PTPRT: variants seen among roughly 807,000 people sequenced by gnomAD.
The protein encoded by PTPRT is protein tyrosine phosphatase receptor type T.
Under a neutral mutation model 176.8 loss-of-function variants are expected in PTPRT, and 56 were observed. The ratio of observed to expected loss-of-function variants is 0.32; its 90% CI spans 0.26 to 0.40. The LOEUF is 0.40. Ranked by LOEUF, PTPRT falls within the 10% of genes least tolerant of loss-of-function variation. The probability of loss-of-function intolerance (pLI) is 1.00; values close to 1 mark genes in which losing one functional copy is unlikely to be tolerated. For missense variants in PTPRT, 1,540 were observed against 1,908.2 expected (o/e 0.81, Z 3.60); for synonymous variants, 783 against 739.0 (o/e 1.06, Z -0.96).
intron 7 of PTPRT, among the ~76,000 whole-genome samples, chr20:42,581,241 C>G (rs1438976561): frequency 6.6e-6 from 1 of 152,192 alleles, no homozygotes; most frequent in African/African-American, 2.4e-5. Context: ...ATCACTTCCT[C>G]AATGAGGCCT....
chr20:42,472,660 A>AT lies in PTPRT; in HGVS notation c.1154-99dup, dbSNP rs2071219904. ...AACAGGGAACACAGCTTTTCCAAACATATCTCCACCATTCAATCACTGCCA... is the reference window on the plus strand; with the variant it reads ...AACAGGGAACACAGCTTTTCCAAACATTATCTCCACCATTCAATCACTGCCA... On this transcript the variant is annotated intron_variant, in intron 7 of 30. Coordinates refer to ENST00000373187, the MANE Select transcript of PTPRT (RefSeq NM_007050.6). 4.1e-6 allele frequency: 5 copies of AT among 1,229,988 alleles called. No individual in the cohort carries two copies. In the South Asian group the frequency reaches 7.4e-5, roughly 18 times the overall value. The allele number at this position is 1,229,988 out of a possible 1,614,324, so 76.2% of individuals were successfully genotyped here.
chr20:42,410,292 A>G (rs528945643), intron 9 of PTPRT, among the ~76,000 whole-genome samples: 11 of 152,288 alleles, frequency 7.2e-5, no homozygotes, highest in African/African-American at 2.6e-4. Flanking sequence ...TGGAAATCAA[A>G]CATATTTCCA....
At chr20:42,857,370 G>C (rs1304075734) in intron 2 of PTPRT, among the ~76,000 whole-genome samples, 2 of 152,160 alleles carry the variant, frequency 1.3e-5, no homozygotes, top group Non-Finnish European at 2.9e-5. Context: ...GCTCCTTAGA[G>C]CTAGAATTAT....
At chr20:43,107,280 G>A (rs575698932) in intron 1 of PTPRT, among the ~76,000 whole-genome samples, 44 of 152,236 alleles carry the variant, frequency 2.9e-4, no homozygotes, top group East Asian at 1.2e-3. Context: ...ACAGCTAGTC[G>A]GCTGAGGATG....
intron 9 of PTPRT, among the ~76,000 whole-genome samples, chr20:42,444,837 C>T (rs1214641191): frequency 2.0e-5 from 3 of 152,066 alleles, no homozygotes; most frequent in Admixed American, 2.0e-4. Flanking sequence ...TTGTAAATTG[C>T]CTCATAAACA....
chr20:42,907,065 T>C (rs866765061), intron 1 of PTPRT, among the ~76,000 whole-genome samples: 1 of 150,970 alleles, frequency 6.6e-6, no homozygotes, highest in Non-Finnish European at 1.5e-5. Flanking sequence ...AGTCAGAAAA[T>C]GTAACAGTGA....
chr20:42,863,156 C>T (rs1034414987), intron 2 of PTPRT, among the ~76,000 whole-genome samples: 3 of 152,204 alleles, frequency 2.0e-5, no homozygotes, highest in Non-Finnish European at 2.9e-5. Context: ...AAATCCCGTG[C>T]TCTCCTCATG....
rs555953157 is a variant in PTPRT at position 42,281,840 on chromosome 20, G to A, written c.2176+649C>T. On this transcript the variant is annotated intron_variant, in intron 13 of 30. Coordinates refer to ENST00000373187, the MANE Select transcript of PTPRT (RefSeq NM_007050.6). ...TTTCTAACTATTCAACCCTGTAATA[G>A]GTTAAACGATAGCAAACCATTCATT... 3.3e-5 allele frequency among the ~76,000 whole-genome samples: 5 copies of A among 152,158 alleles called. No individual in the cohort carries two copies. In the East Asian group the frequency reaches 5.8e-4, roughly 18 times the overall value.
chr20:42,492,311 G>A (rs909921287), intron 7 of PTPRT, among the ~76,000 whole-genome samples: 11 of 152,182 alleles, frequency 7.2e-5, no homozygotes, highest in Admixed American at 5.2e-4. Flanking sequence ...CACCAGCAAC[G>A]TAGGAGAGAT....
At chr20:42,208,458 C>A (rs1439016559) in intron 15 of PTPRT, among the ~76,000 whole-genome samples, 2 of 151,566 alleles carry the variant, frequency 1.3e-5, no homozygotes, top group Non-Finnish European at 2.9e-5. Context: ...ATCTACCAAG[C>A]AAATGGAAAA....
At chr20:42,600,166 G>A (rs996169535) in intron 7 of PTPRT, among the ~76,000 whole-genome samples, 1 of 152,024 alleles carries the variant, frequency 6.6e-6, no homozygotes, top group Non-Finnish European at 1.5e-5. Context: ...TTGAGATGGA[G>A]TCTCACTCTG....
At position 43,093,767 on chromosome 20, in the gene PTPRT, C is replaced by T. The variant is rs373875865; in HGVS notation, c.88+95879G>A. Among the ~76,000 whole-genome samples the T allele has an allele frequency of 2.1e-4, 32 of 152,316 alleles. 1 individual carries two copies. Among genetic ancestry groups the T allele is most frequent in the African/African-American group, 7.7e-4 (32 of 41,568 alleles). On this transcript the variant is annotated intron_variant, in intron 1 of 30. Coordinates refer to ENST00000373187, the MANE Select transcript of PTPRT (RefSeq NM_007050.6). ...GATGCAGGTGATCTGGCCCCTGTCCCACTCTTCCCTTGACCCAGTATGTAC... is the reference window on the plus strand; with the variant it reads ...GATGCAGGTGATCTGGCCCCTGTCCTACTCTTCCCTTGACCCAGTATGTAC...
intron 8 of PTPRT, among the ~76,000 whole-genome samples, chr20:42,460,778 G>A (rs549397675): frequency 1.3e-5 from 2 of 152,286 alleles, no homozygotes; most frequent in Admixed American, 6.5e-5. Flanking sequence ...CTTCTGCCAC[G>A]ATTGTAAATT....
chr20:42,676,324 CAT>C (rs1175748418), intron 7 of PTPRT, among the ~76,000 whole-genome samples: 1 of 152,180 alleles, frequency 6.6e-6, no homozygotes, highest in East Asian at 1.9e-4. Flanking sequence ...CGTAACTTGA[CAT>C]AGTGTGGTGA....
intron 7 of PTPRT, among the ~76,000 whole-genome samples, chr20:42,539,192 C>T (rs1327524102): frequency 6.6e-6 from 1 of 152,096 alleles, no homozygotes; most frequent in African/African-American, 2.4e-5. Context: ...TCTGTATCTC[C>T]AGACTAGGCG....
intron 1 of PTPRT, among the ~76,000 whole-genome samples, chr20:43,110,614 G>A (rs559538173): frequency 6.6e-6 from 1 of 152,298 alleles, no homozygotes; most frequent in African/African-American, 2.4e-5. Context: ...TTGACAGTCT[G>A]TCAAGCTGTA....
At chr20:42,605,241 A>G (rs551702847) in intron 7 of PTPRT, among the ~76,000 whole-genome samples, 1 of 152,270 alleles carries the variant, frequency 6.6e-6, no homozygotes, top group Admixed American at 6.5e-5. Flanking sequence ...CCATTCAGCC[A>G]CTTTCTGCTC....
chr20:42,594,390 G>A lies in PTPRT; in HGVS notation c.1153+83476C>T, dbSNP rs911952670. 7.2e-5 allele frequency among the ~76,000 whole-genome samples: 11 copies of A among 152,078 alleles called. No homozygotes were observed. The East Asian group carries it at 7.7e-4, about 11-fold the overall frequency. Reference sequence around the variant, plus strand: ...ACAGGCATTAATATCCTTTATGAGTGACAATTTAGGGCCAATATTTACACT... The same window carrying A: ...ACAGGCATTAATATCCTTTATGAGTAACAATTTAGGGCCAATATTTACACT... On this transcript the variant is annotated intron_variant, in intron 7 of 30. Coordinates refer to ENST00000373187, the MANE Select transcript of PTPRT (RefSeq NM_007050.6).
At chr20:42,513,820 A>G (rs776642660) in intron 7 of PTPRT, among the ~76,000 whole-genome samples, 1 of 152,150 alleles carries the variant, frequency 6.6e-6, no homozygotes, top group African/African-American at 2.4e-5. Context: ...GCTTATATAC[A>G]TAAGCAGTGA....
Sources: allele counts gnomAD v4.1 joint callset (sites outside exome capture counted in the v4.1 genomes callset), GRCh38; gene constraint gnomAD v4.1.1; transcripts MANE v1.5; gene names NCBI Gene and HGNC (gene_info 2026-07-23, HGNC 2026-07-21).